FTO: variants seen among roughly 807,000 people sequenced by gnomAD.
FTO encodes alpha-ketoglutarate-dependent dioxygenase FTO.
Under a neutral mutation model 63.9 loss-of-function variants are expected in FTO, and 47 were observed. The observed-to-expected ratio is 0.74, with a 90% CI of 0.58 to 0.94. The LOEUF is 0.94. Among genes scored for constraint, FTO ranks in the 40% least tolerant of loss-of-function variants. The pLI is 0.00. For synonymous variants in FTO, 207 were observed against 224.4 expected, an observed-to-expected ratio of 0.92 and a Z score of 0.69; for missense variants, 562 against 618.1, an observed-to-expected ratio of 0.91 and a Z score of 0.96.
chr16:53,841,571 T>C (rs953439793), intron 3 of FTO, among the ~76,000 whole-genome samples: 2 of 152,196 alleles, frequency 1.3e-5, no homozygotes, highest in African/African-American at 4.8e-5. Flanking sequence ...GGCTTTCTGA[T>C]GTGTTCATTT....
rs148034931 is a variant in FTO at position 53,856,132 on chromosome 16, G to C, written c.895+11834G>C. Among the ~76,000 whole-genome samples, 955 of 151,984 alleles carry C rather than the reference G, an allele frequency of 6.3e-3. 3 individuals are homozygous for C. The highest frequency in any genetic ancestry group is 0.011 in the Non-Finnish European group (751 of 67,998). On this transcript the variant is annotated intron_variant, in intron 4 of 8. Coordinates refer to ENST00000471389, the MANE Select transcript of FTO (RefSeq NM_001080432.3). The stretch of plus-strand genomic sequence containing the variant: ...GGCCTTTATGTAGGTTGTATATCCT[G>C]TGTGTGTTATTTGCCACTCCTGTAA...
chr16:54,091,282 C>T (rs11076018), intron 8 of FTO, among the ~76,000 whole-genome samples: 64,532 of 152,054 alleles, frequency 0.42, 14,023 homozygotes, highest in Middle Eastern at 0.53. Flanking sequence ...CAGTGGCTCA[C>T]ACCTGTAATC....
At chr16:53,712,950 T>G (rs1406617686) in intron 1 of FTO, among the ~76,000 whole-genome samples, 3 of 152,112 alleles carry the variant, frequency 2.0e-5, no homozygotes, top group Non-Finnish European at 2.9e-5. Context: ...ATCATGTTTT[T>G]TTTTTTTTTT....
chr16:54,019,820 A>G (rs528111197), intron 8 of FTO, among the ~76,000 whole-genome samples: 3 of 152,298 alleles, frequency 2.0e-5, no homozygotes, highest in Non-Finnish European at 2.9e-5. Flanking sequence ...GGCTCTGTGC[A>G]TCTCTTTCCA....
Position 54,118,615 on chromosome 16 carries a change from A to G in FTO, c.*6700A>G, listed in dbSNP as rs2086987592. The G allele has an allele frequency of 6.6e-6, 1 of 152,172 alleles. No individual in the cohort carries two copies. 9.4% of individuals were successfully genotyped at this position (152,172 alleles called of 1,614,324 possible). On this transcript the variant is annotated 3_prime_UTR_variant, in exon 9 of 9. Coordinates refer to ENST00000471389, the MANE Select transcript of FTO (RefSeq NM_001080432.3). ...TGATCTGCCTGCATCGGCCTCCCAA[A>G]GCGCTGAGATTACAAGCGTGAGCCA...
At chr16:53,831,644 A>G (rs1304692154) in intron 3 of FTO, among the ~76,000 whole-genome samples, 2 of 152,248 alleles carry the variant, frequency 1.3e-5, no homozygotes, top group African/African-American at 4.8e-5. Context: ...GGGAAAACAG[A>G]AAATAAAAGT....
intron 1 of FTO, among the ~76,000 whole-genome samples, chr16:53,771,762 C>A (rs2077347287): frequency 6.6e-6 from 1 of 151,990 alleles, no homozygotes; most frequent in Non-Finnish European, 1.5e-5. Context: ...CATAACCATA[C>A]AATGGAATAT....
chr16:54,053,458 G>A (rs967114418), intron 8 of FTO, among the ~76,000 whole-genome samples: 5 of 152,160 alleles, frequency 3.3e-5, no homozygotes, highest in South Asian at 2.1e-4. Context: ...CTCTGGCCTC[G>A]CTTACAGAAG....
chr16:53,810,981 C>G (rs76682627), intron 2 of FTO, among the ~76,000 whole-genome samples: 4,405 of 152,238 alleles, frequency 0.029, 109 homozygotes, highest in East Asian at 0.11. Context: ...TTCTTTTTCC[C>G]TGGTTCCATC....
At position 53,825,891 on chromosome 16, in the gene FTO, C is replaced by A. The variant is rs371489995; in HGVS notation, c.151C>A (p.Leu51Ile). Residue 51 changes from leucine (L) to isoleucine (I), a missense_variant, in exon 3 of 9, where the codon CTC becomes ATC. Physicochemically the swap from Leu to Ile is conservative, Grantham distance 5 (BLOSUM62 2). Transcript: ENST00000471389. Reference protein sequence around the residue: ...QWQLKYPKLILREASSVSEEL... With the variant: ...QWQLKYPKLIIREASSVSEEL... ...GCAGCTGAAATATCCTAAACTAATTCTCCGAGAAGCCAGCAGTGTATCTGA... is the reference window on the plus strand; with the variant it reads ...GCAGCTGAAATATCCTAAACTAATTATCCGAGAAGCCAGCAGTGTATCTGA... 8 of 1,613,920 alleles carry A rather than the reference C, an allele frequency of 5.0e-6. No individual in the cohort carries two copies. Among genetic ancestry groups the A allele is most frequent in the East Asian group, 2.2e-5 (1 of 44,892 alleles).
At chr16:53,727,784 G>A (rs1234353840) in intron 1 of FTO, among the ~76,000 whole-genome samples, 1 of 152,184 alleles carries the variant, frequency 6.6e-6, no homozygotes, top group Non-Finnish European at 1.5e-5. Context: ...CTTAGTCTCA[G>A]TTCTTCATAT....
intron 7 of FTO, among the ~76,000 whole-genome samples, chr16:53,908,827 T>G (rs117499058): frequency 0.014 from 2,152 of 152,278 alleles, 25 homozygotes; most frequent in Middle Eastern, 0.037. Flanking sequence ...TGAGTTGGAA[T>G]CTCCTGGTGA....
intron 1 of FTO, among the ~76,000 whole-genome samples, chr16:53,762,110 T>C (rs982493372): frequency 1.3e-5 from 2 of 152,118 alleles, no homozygotes; most frequent in Non-Finnish European, 2.9e-5. Flanking sequence ...TATACTGAGG[T>C]TGGGAAATCT....
chr16:53,956,343 G>T (rs1395722077), intron 8 of FTO, among the ~76,000 whole-genome samples: 1 of 152,172 alleles, frequency 6.6e-6, no homozygotes, highest in Non-Finnish European at 1.5e-5. Flanking sequence ...CTGTGGGGAG[G>T]AAAGAGTGCT....
intron 1 of FTO, among the ~76,000 whole-genome samples, chr16:53,723,989 A>G (rs1004832761): frequency 6.6e-6 from 1 of 152,206 alleles, no homozygotes; most frequent in East Asian, 1.9e-4. Flanking sequence ...ATACATTCAG[A>G]TGAAAGATGT....
intron 7 of FTO, among the ~76,000 whole-genome samples, chr16:53,900,419 G>A (rs183172520): frequency 9.2e-5 from 14 of 152,116 alleles, no homozygotes; most frequent in South Asian, 8.3e-4. Context: ...CTTGGTTTCC[G>A]TCTTTTAAAT....
At chr16:54,041,014 A>G (rs1238055824) in intron 8 of FTO, among the ~76,000 whole-genome samples, 2 of 152,206 alleles carry the variant, frequency 1.3e-5, no homozygotes, top group African/African-American at 4.8e-5. Context: ...TGCTTTGAAA[A>G]TGTTAAAGCA....
At chr16:53,857,720 CGTAGGTAATTT>C (rs924684028) in intron 4 of FTO, among the ~76,000 whole-genome samples, 10 of 152,090 alleles carry the variant, frequency 6.6e-5, no homozygotes, top group Non-Finnish European at 8.8e-5. Context: ...GGAGAGGTGA[CGTAGGTAATTT>C]GAAACTGTTC....
chr16:53,969,217 T>C (rs1555498983), intron 8 of FTO, among the ~76,000 whole-genome samples: 1 of 152,210 alleles, frequency 6.6e-6, no homozygotes, highest in Non-Finnish European at 1.5e-5. Context: ...AAAAGAATCT[T>C]CTGTATTGTA....
Sources: gnomAD v4.1 joint callset for allele counts (sites outside exome capture counted in the v4.1 genomes callset) on GRCh38, gnomAD v4.1.1 for gene constraint, MANE v1.5 for transcripts, NCBI Gene and HGNC (gene_info 2026-07-23, HGNC 2026-07-21) for gene names.